ETS1: variants seen among roughly 807,000 people sequenced by gnomAD.
ETS1 encodes the protein ETS proto-oncogene 1, transcription factor.
A neutral mutation model predicts 58.6 loss-of-function variants in ETS1; 15 were observed. The observed-to-expected ratio is 0.26, with a 90% CI of 0.17 to 0.39. ETS1 has a LOEUF of 0.39. ETS1 is among the 10% of genes least tolerant of loss of function. The probability of loss-of-function intolerance (pLI) is 1.00; values close to 1 mark genes in which losing one functional copy is unlikely to be tolerated. For synonymous variants in ETS1, 214 were observed against 218.2 expected, an observed-to-expected ratio of 0.98 and a Z score of 0.17; for missense variants, 417 against 610.5, an observed-to-expected ratio of 0.68 and a Z score of 3.34.
rs746539903 is a variant in ETS1, at chr11:128,521,986, C to T, written c.215-31410G>A. On this transcript the variant is annotated intron_variant, in intron 3 of 9. Transcript: ENST00000392668. Reference sequence around the variant, plus strand: ...TGAGAGTCGGCTTGAGATCGACGGCCGCCTTCATGGTGCCAGGAGTGGGGG... The same window carrying T: ...TGAGAGTCGGCTTGAGATCGACGGCTGCCTTCATGGTGCCAGGAGTGGGGG... The T allele has an allele frequency of 6.3e-6, 10 of 1,595,070 alleles. No individual in the cohort carries two copies. The African/African-American group carries it at 1.2e-4, about 19-fold the overall frequency.
intron 3 of ETS1, among the ~76,000 whole-genome samples, chr11:128,528,461 C>A (rs1240774797): frequency 6.6e-6 from 1 of 152,104 alleles, no homozygotes; most frequent in Non-Finnish European, 1.5e-5. Flanking sequence ...AGCTGTCACC[C>A]CACCCCTGCA....
intron 3 of ETS1, among the ~76,000 whole-genome samples, chr11:128,544,691 G>GAA (rs113241627): frequency 5.4e-5 from 8 of 148,076 alleles, no homozygotes; most frequent in African/African-American, 1.7e-4. Context: ...CCAGGAAAAG[G>GAA]AAAAAAAAAA....
At chr11:128,541,417 T>C (rs1229288166) in intron 3 of ETS1, among the ~76,000 whole-genome samples, 1 of 152,148 alleles carries the variant, frequency 6.6e-6, no homozygotes, top group African/African-American at 2.4e-5. Context: ...AGGACAAGTT[T>C]GGACAACCAG....
intron 3 of ETS1, among the ~76,000 whole-genome samples, chr11:128,525,277 C>T (rs1863779408): frequency 6.6e-6 from 1 of 152,032 alleles, no homozygotes; most frequent in African/African-American, 2.4e-5. Flanking sequence ...AAATAGTCAC[C>T]TTCATACAGG....
chr11:128,525,184 T>G (rs1435649388), intron 3 of ETS1, among the ~76,000 whole-genome samples: 1 of 151,760 alleles, frequency 6.6e-6, no homozygotes, highest in Non-Finnish European at 1.5e-5. Context: ...TGCCTTACAC[T>G]AGGAACGTGA....
At chr11:128,521,704 C>G (rs188052807) in intron 3 of ETS1, among the ~76,000 whole-genome samples, 3 of 152,346 alleles carry the variant, frequency 2.0e-5, no homozygotes, top group Admixed American at 2.0e-4. Flanking sequence ...TACCACCCCC[C>G]AAACCAAGGG....
intron 3 of ETS1, among the ~76,000 whole-genome samples, chr11:128,528,645 T>C (rs1479638512): frequency 1.3e-5 from 2 of 152,224 alleles, no homozygotes; most frequent in Non-Finnish European, 2.9e-5. Context: ...ATTTAATTAA[T>C]GAACAGTTAA....
intron 2 of ETS1, among the ~76,000 whole-genome samples, chr11:128,566,371 A>G (rs1242359697): frequency 6.6e-6 from 1 of 152,250 alleles, no homozygotes; most frequent in Non-Finnish European, 1.5e-5. Flanking sequence ...CTTGACAAGC[A>G]TGTTCTCACT....
chr11:128,541,620 A>G (rs181735355), intron 3 of ETS1, among the ~76,000 whole-genome samples: 19 of 152,122 alleles, frequency 1.2e-4, no homozygotes, highest in Admixed American at 1.2e-3. Context: ...TTTTGTTTTA[A>G]TTTTTGTTAC....
chr11:128,489,153 A>T, intron 5 of ETS1, 137 bp downstream of exon 5: 1 of 737,646 alleles, frequency 1.4e-6, no homozygotes, highest in Non-Finnish European at 2.4e-6. Context: ...GCAGTGTACT[A>T]GGCACATTCC....
chr11:128,575,933 T>C (rs1016067889), intron 1 of ETS1, among the ~76,000 whole-genome samples: 1 of 152,252 alleles, frequency 6.6e-6, no homozygotes, highest in African/African-American at 2.4e-5. Flanking sequence ...AGGGTTTCTG[T>C]CTGCTGGCCA....
intron 2 of ETS1, among the ~76,000 whole-genome samples, chr11:128,558,190 C>A (rs570138973): frequency 6.6e-6 from 1 of 152,188 alleles, no homozygotes; most frequent in Non-Finnish European, 1.5e-5. Flanking sequence ...GGAAATGTCA[C>A]CAGTTGTGTT....
chr11:128,586,909 A>C (rs1232000122), intron 1 of ETS1, among the ~76,000 whole-genome samples: 1 of 152,192 alleles, frequency 6.6e-6, no homozygotes, highest in Non-Finnish European at 1.5e-5. Flanking sequence ...CCACACCCAC[A>C]CCATGTCTCA....
At chr11:128,535,214 C>T (rs1863955444) in intron 3 of ETS1, among the ~76,000 whole-genome samples, 1 of 152,220 alleles carries the variant, frequency 6.6e-6, no homozygotes, top group South Asian at 2.1e-4. Flanking sequence ...TTGTTGGACA[C>T]ATAAATGTCT....
chr11:128,575,461 T>C (rs2135585494), intron 1 of ETS1, among the ~76,000 whole-genome samples: 1 of 152,320 alleles, frequency 6.6e-6, no homozygotes, highest in Non-Finnish European at 1.5e-5. Flanking sequence ...TAGGCGTCCT[T>C]TGTTAGTGGC....
At chr11:128,544,340 A>ATATATAT (rs71472068) in intron 3 of ETS1, among the ~76,000 whole-genome samples, 9 of 117,088 alleles carry the variant, frequency 7.7e-5, no homozygotes, top group African/African-American at 2.3e-4. Context: ...ATTGTTTACT[A>ATATATAT]ATATATATAT....
chr11:128,515,576 T>C (rs565727513), intron 3 of ETS1, among the ~76,000 whole-genome samples: 3 of 152,184 alleles, frequency 2.0e-5, no homozygotes, highest in Non-Finnish European at 4.4e-5. Flanking sequence ...GAAAGTACGA[T>C]TGACCAAATT....
At chr11:128,471,618 C>T (rs1463192701) in intron 8 of ETS1, among the ~76,000 whole-genome samples, 1 of 152,164 alleles carries the variant, frequency 6.6e-6, no homozygotes, top group African/African-American at 2.4e-5. Flanking sequence ...CTGATGTCTT[C>T]TAGGTAACCG....
At chr11:128,513,688 T>C (rs1644183464) in intron 3 of ETS1, among the ~76,000 whole-genome samples, 1 of 152,202 alleles carries the variant, frequency 6.6e-6, no homozygotes, top group Non-Finnish European at 1.5e-5. Context: ...GTACTAGAAG[T>C]ACAAAAGTCG....
Sources: allele counts gnomAD v4.1 joint callset (sites outside exome capture counted in the v4.1 genomes callset), GRCh38; gene constraint gnomAD v4.1.1; transcripts MANE v1.5; gene names NCBI Gene and HGNC (gene_info 2026-07-23, HGNC 2026-07-21).